Variants in SEL1L3 observed in about 807,000 individuals in gnomAD.
The protein encoded by SEL1L3 is SEL1L family member 3.
Under a neutral mutation model 142.8 loss-of-function variants are expected in SEL1L3, and 76 were observed. That is an observed-to-expected ratio of 0.53 (90% confidence interval 0.44 to 0.64). SEL1L3 has a LOEUF of 0.64. SEL1L3 is among the 30% of genes least tolerant of loss of function. The pLI is 0.00. For missense variants in SEL1L3, 1,262 were observed against 1,381.7 expected (o/e 0.91, Z 1.37); for synonymous variants, 504 against 519.6 (o/e 0.97, Z 0.41).
the SEL1L3 span, among the ~76,000 whole-genome samples, chr4:25,736,213 T>TTGTGTGTGTGTGTGTGTGTGTGTGTGTG: frequency 1.5e-3 from 202 of 130,648 alleles, 5 homozygotes; most frequent in East Asian, 2.5e-3. Context: ...TGCCATAAGA[T>TTGTGTGTGTGTGTGTGTGTGTGTGTGTG]TGTGTGTCTG....
At chr4:25,822,775 G>C (rs908276341) in intron 6 of SEL1L3, among the ~76,000 whole-genome samples, 2 of 152,212 alleles carry the variant, frequency 1.3e-5, no homozygotes, top group Admixed American at 6.5e-5. Flanking sequence ...GAAGGAAAGG[G>C]AGGACAAAGT....
At chr4:25,857,730 C>T (rs1324635481) in intron 1 of SEL1L3, among the ~76,000 whole-genome samples, 1 of 152,248 alleles carries the variant, frequency 6.6e-6, no homozygotes, top group African/African-American at 2.4e-5. Flanking sequence ...TGTCTTCTAA[C>T]AACACCCAAA....
At chr4:25,776,439 A>T in intron 16 of SEL1L3, 79 bp from the exon 17 acceptor site, 1 of 960,522 alleles carries the variant, frequency 1.0e-6, no homozygotes, top group Non-Finnish European at 1.6e-6. Context: ...GCTCTCAATA[A>T]ATCCCACTTG....
intron 16 of SEL1L3, among the ~76,000 whole-genome samples, chr4:25,778,747 T>C (rs1719805176): frequency 6.6e-6 from 1 of 152,038 alleles, no homozygotes; most frequent in South Asian, 2.1e-4. Context: ...GGTATAAGCA[T>C]GTTATTTAGA....
intron 11 of SEL1L3, among the ~76,000 whole-genome samples, chr4:25,792,107 A>AG (rs1280859948): frequency 6.6e-6 from 1 of 152,174 alleles, no homozygotes; most frequent in Non-Finnish European, 1.5e-5. Context: ...AGCTAACCTG[A>AG]GGAGGCCACC....
At chr4:25,750,234 C>CAAAAAAAAAAAAAAAAAAAAAAAAAA in intron 23 of SEL1L3, among the ~76,000 whole-genome samples, 1 of 105,090 alleles carries the variant, frequency 9.5e-6, no homozygotes, top group Non-Finnish European at 1.9e-5. Flanking sequence ...GACTCCATCT[C>CAAAAAAAAAAAAAAAAAAAAAAAAAA]AAAAAAAAAA....
At chr4:25,751,248 A>G (rs1717569374) in intron 23 of SEL1L3, among the ~76,000 whole-genome samples, 1 of 147,596 alleles carries the variant, frequency 6.8e-6, no homozygotes, top group South Asian at 2.1e-4. Flanking sequence ...GTGGACAAGG[A>G]GAGTGCTTTT....
At chr4:25,803,572 G>A (rs1011071128) in intron 10 of SEL1L3, among the ~76,000 whole-genome samples, 1 of 152,166 alleles carries the variant, frequency 6.6e-6, no homozygotes, top group African/African-American at 2.4e-5. Flanking sequence ...ATCATTTCTG[G>A]ATGTGTCTGT....
chr4:25,769,971 CA>C (rs911935055), intron 17 of SEL1L3, among the ~76,000 whole-genome samples: 12 of 151,676 alleles, frequency 7.9e-5, no homozygotes, highest in African/African-American at 2.9e-4. Context: ...TACTAAAACA[CA>C]AAAAAATTAG....
chr4:25,804,627 A>C lies in SEL1L3; in HGVS notation c.1690T>G (p.Ser564Ala). Residue 564 changes from serine to alanine, a missense_variant, in exon 10 of 24, where the codon TCC becomes GCC. By Grantham distance (99) the Ser-to-Ala change is moderately conservative (BLOSUM62 1). Around this residue, in one of 3 missense-constraint regions of SEL1L3, gnomAD observed 435 missense variants for 559.2 expected, o/e 0.78. Transcript: ENST00000399878. ...GCTTTATGGTATCCACAGCAGCTGG[A>C]ATCCGTCAGAAAGGGGACGATAGAG... ...ISSIVPFLTDSSCCGYHKASY... is the reference protein window; with the variant it reads ...ISSIVPFLTDASCCGYHKASY... 1 of 1,613,978 alleles carries C rather than the reference A, an allele frequency of 6.2e-7. No individual in the cohort carries two copies. The highest frequency in any genetic ancestry group is 8.5e-7 in the Non-Finnish European group (1 of 1,179,844).
chr4:25,835,250 C>A lies in SEL1L3; in HGVS notation c.807G>T (p.Arg269Ser). 1.9e-6 allele frequency: 3 copies of A among 1,614,012 alleles called. No homozygotes were observed. Among genetic ancestry groups the A allele is most frequent in the Non-Finnish European group, 2.5e-6 (3 of 1,179,894 alleles). Residue 269 changes from arginine to serine, a missense_variant, in exon 3 of 24, where the codon AGG (arginine) becomes AGT (serine). Around this residue, in one of 3 missense-constraint regions of SEL1L3, gnomAD observed 689 missense variants for 692.8 expected, o/e 0.99. Transcript: ENST00000399878. ...ENTGIVKKFP[R>S]FRNRELEATR... Reference sequence around the variant, plus strand: ...TGGCCTCCAGCTCTCGGTTCCGAAACCTCGGGAACTTCTTGACAATGCCTG... The same window carrying A: ...TGGCCTCCAGCTCTCGGTTCCGAAAACTCGGGAACTTCTTGACAATGCCTG...
intron 6 of SEL1L3, among the ~76,000 whole-genome samples, chr4:25,822,801 G>C (rs940003438): frequency 6.6e-6 from 1 of 152,208 alleles, no homozygotes; most frequent in Non-Finnish European, 1.5e-5. Flanking sequence ...GGCATTTATA[G>C]AATGCATGAA....
rs781087120 is a variant in SEL1L3 at position 25,802,312 on chromosome 4, G to C, written c.1927C>G (p.Leu643Val). 4.3e-6 allele frequency: 7 copies of C among 1,613,594 alleles called. No homozygotes were observed. In the Admixed American group the frequency reaches 6.7e-5, roughly 15 times the overall value. Residue 643 changes from leucine to valine, a missense_variant, in exon 11 of 24, where the codon CTT becomes GTT. By Grantham distance (32) the Leu-to-Val change is conservative. Coordinates refer to ENST00000399878, the MANE Select transcript of SEL1L3 (RefSeq NM_015187.5). Reference protein sequence around the residue: ...YYSNIATKTPLDQHTLQGDQA... With the variant: ...YYSNIATKTPVDQHTLQGDQA... ...TCTCCTTGCAGTGTGTGCTGGTCAA[G>C]GGGTGTCTTGGTGGCAATGTTGCTG...
intron 9 of SEL1L3, among the ~76,000 whole-genome samples, chr4:25,816,876 C>A (rs185235796): frequency 6.6e-6 from 1 of 152,284 alleles, no homozygotes; most frequent in African/African-American, 2.4e-5. Context: ...TGGCAAACAC[C>A]TGTTGGCCTT....
chr4:25,804,666 G>A lies in SEL1L3; in HGVS notation c.1651C>T (p.Leu551Phe). Reference sequence around the variant, plus strand: ...GGGACGATAGAGCTAATTTGGTGAAGACCATCAATGCTAGAGAGTCTCTTT... The same window carrying A: ...GGGACGATAGAGCTAATTTGGTGAAAACCATCAATGCTAGAGAGTCTCTTT... The part of the protein sequence containing the change: ...AVKRLSSIDG[L>F]HQISSIVPFL... Residue 551 changes from leucine (L) to phenylalanine (F), a missense_variant, in exon 10 of 24, where the codon CTT becomes TTT. Physicochemically the swap from Leu to Phe is conservative, Grantham distance 22. Coordinates refer to ENST00000399878, the MANE Select transcript of SEL1L3 (RefSeq NM_015187.5). 1 of 1,613,526 alleles carries A rather than the reference G, an allele frequency of 6.2e-7. No individual in the cohort carries two copies. Among genetic ancestry groups the A allele is most frequent in the Non-Finnish European group, 8.5e-7 (1 of 1,179,464 alleles).
chr4:25,738,350 T>C, the SEL1L3 span, among the ~76,000 whole-genome samples: 1 of 152,174 alleles, frequency 6.6e-6, no homozygotes, highest in African/African-American at 2.4e-5. Context: ...GCTAATCTTG[T>C]TTTCCAGCAG....
chr4:25,803,191 C>T (rs1713309329), intron 10 of SEL1L3, among the ~76,000 whole-genome samples: 1 of 152,220 alleles, frequency 6.6e-6, no homozygotes, highest in Non-Finnish European at 1.5e-5. Flanking sequence ...ACCACCTCAT[C>T]TCACAGTTGG....
At chr4:25,746,531 A>AATATATAT (rs376998677), downstream of SEL1L3, among the ~76,000 whole-genome samples, 2 of 119,686 alleles carry the variant, frequency 1.7e-5, no homozygotes, top group Non-Finnish European at 3.3e-5. Flanking sequence ...TATATATTTA[A>AATATATAT]ATATATATAT....
intron 16 of SEL1L3, among the ~76,000 whole-genome samples, chr4:25,778,782 A>T (rs1465741933): frequency 6.6e-6 from 1 of 152,168 alleles, no homozygotes; most frequent in Non-Finnish European, 1.5e-5. Context: ...AAAAATAAAT[A>T]AAATAAAATA....
Sources: gnomAD v4.1 joint callset for allele counts (sites outside exome capture counted in the v4.1 genomes callset) on GRCh38, gnomAD v4.1.1 for gene constraint, gnomAD v4.1.1 regional missense constraint, MANE v1.5 for transcripts, NCBI Gene and HGNC (gene_info 2026-07-23, HGNC 2026-07-21) for gene names.